HEATR1: variants seen among roughly 807,000 people sequenced by gnomAD.
HEATR1 encodes the protein HEAT repeat containing 1, also known as HEAT repeat-containing protein 1.
HEATR1 carries 77 observed loss-of-function variants against 248.2 expected under a neutral mutation model. That is an observed-to-expected ratio of 0.31 (90% confidence interval 0.26 to 0.37). HEATR1 has a LOEUF of 0.37. Ranked by LOEUF, HEATR1 falls within the 10% of genes least tolerant of loss-of-function variation. The probability of loss-of-function intolerance (pLI) is 1.00; values close to 1 mark genes in which losing one functional copy is unlikely to be tolerated. For synonymous variants in HEATR1, 897 were observed against 923.1 expected, an observed-to-expected ratio of 0.97 and a Z score of 0.51; for missense variants, 2,420 against 2,504.9, an observed-to-expected ratio of 0.97 and a Z score of 0.72.
chr1:236,568,838 T>C (rs556606172), intron 29 of HEATR1, among the ~76,000 whole-genome samples, 158 bp downstream of exon 29: 170 of 147,994 alleles, frequency 1.1e-3, no homozygotes, highest in Non-Finnish European at 2.1e-3. Context: ...TTAAGGGCAA[T>C]GTACTTCAGC....
At position 236,555,639 on chromosome 1, in the gene HEATR1, A is replaced by G; in HGVS notation, c.5666T>C (p.Val1889Ala). The G allele has an allele frequency of 6.2e-7, 1 of 1,614,214 alleles. No homozygotes were observed. Among genetic ancestry groups the G allele is most frequent in the Non-Finnish European group, 8.5e-7 (1 of 1,180,028 alleles). ...AATGATACAATTTTCCGTTTTTCCA[A>G]CTTCCTCCAGATCGTTCTGAAAACA... ...AQHSENDLEE[V>A]GKTENCIIDC... Residue 1889 changes from valine to alanine, a missense_variant, in exon 40 of 45, where the codon GTT (valine) becomes GCT (alanine). Physicochemically the swap from Val to Ala is moderately conservative, Grantham distance 64 (BLOSUM62 0). Coordinates refer to ENST00000366582, the MANE Select transcript of HEATR1 (RefSeq NM_018072.6).
chr1:236,602,922 C>T, intron 3 of HEATR1: 1 of 422,072 alleles, frequency 2.4e-6, no homozygotes, highest in Non-Finnish European at 4.3e-6. Context: ...GACTCTATCT[C>T]AAAAAAAAAC....
intron 12 of HEATR1, among the ~76,000 whole-genome samples, chr1:236,589,765 G>A (rs773717872): frequency 7.2e-5 from 11 of 152,018 alleles, no homozygotes; most frequent in Non-Finnish European, 1.3e-4. Flanking sequence ...TGCAAATCAC[G>A]GTGCATAATT....
Position 236,564,592 on chromosome 1 carries a change from A to G in HEATR1, c.4505T>C (p.Val1502Ala), listed in dbSNP as rs1415821952. 1.9e-6 allele frequency: 3 copies of G among 1,613,938 alleles called. No homozygotes were observed. Among genetic ancestry groups the G allele is most frequent in the Non-Finnish European group, 1.7e-6 (2 of 1,179,976 alleles). ...CAGTTGCTTGCTAGTGTGAGTCTCT[A>G]CATTAAAAACCTGTAGCATTTCTTC... ...SQEEMLQVFN[V>A]ETHTSKQLRH... The change falls in exon 32 of 45, where the codon GTA becomes GCA. Residue 1502 changes from valine to alanine, a missense_variant. By Grantham distance (64) the Val-to-Ala change is moderately conservative (BLOSUM62 0). Transcript: ENST00000366582.
At position 236,585,191 on chromosome 1, in the gene HEATR1, T is replaced by C. The variant is rs956931200; in HGVS notation, c.2075A>G (p.Glu692Gly). 5 of 1,611,902 alleles carry C rather than the reference T, an allele frequency of 3.1e-6. No individual in the cohort carries two copies. Among genetic ancestry groups the C allele is most frequent in the Non-Finnish European group, 4.2e-6 (5 of 1,179,358 alleles). ...KMVEDLISVG[E>G]EESFNLKQKV... is the part of the protein sequence containing the mutation. ...CTGCTTCAGGTTAAAGGACTCCTCC[T>C]CACCCACGCTTATTAAATCCTCCAC... The change falls in exon 17 of 45, where the codon GAG (glutamate) becomes GGG (glycine). Residue 692 changes from glutamate to glycine, a missense_variant. Glu to Gly is a moderately conservative substitution (Grantham distance 98). Transcript: ENST00000366582.
intron 33 of HEATR1, 134 bp from the exon 34 acceptor site, chr1:236,559,971 C>G: frequency 1.1e-6 from 1 of 937,546 alleles, no homozygotes; most frequent in Non-Finnish European, 1.5e-6. Flanking sequence ...TCAAAAACTA[C>G]TCGGAAAGAA....
At chr1:236,556,293 G>A (rs1034122915) in intron 37 of HEATR1, 35 bp from the exon 38 acceptor site, 3 of 1,605,264 alleles carry the variant, frequency 1.9e-6, no homozygotes, top group Admixed American at 1.7e-5. Context: ...CAGGGCCACT[G>A]CAGATCTTCG....
intron 33 of HEATR1, among the ~76,000 whole-genome samples, chr1:236,560,219 C>G (rs1663092198): frequency 6.6e-6 from 1 of 151,830 alleles, no homozygotes; most frequent in Non-Finnish European, 1.5e-5. Context: ...CGCGCACACA[C>G]ACACAGGCAC....
chr1:236,563,191 TA>T (rs1389297324), intron 32 of HEATR1, among the ~76,000 whole-genome samples: 2 of 152,240 alleles, frequency 1.3e-5, no homozygotes, highest in Admixed American at 1.3e-4. Context: ...AGGTATGATA[TA>T]AACCACAAGC....
At chr1:236,559,546 A>G (rs984287841) in intron 34 of HEATR1, among the ~76,000 whole-genome samples, 168 bp downstream of exon 34, 11 of 152,230 alleles carry the variant, frequency 7.2e-5, no homozygotes, top group Non-Finnish European at 1.3e-4. Context: ...AATTTTTTCC[A>G]GACAAATCTA....
Position 236,555,801 on chromosome 1 carries a change from T to C in HEATR1, c.5649+4A>G, listed in dbSNP as rs1406248514. ...AGGATTTGGAGGAGTGAACCTGAGC[T>C]TACCTCAGAGTGCTGGGCTCGGAAG... On this transcript the variant is annotated splice_donor_region_variant and intron_variant, in intron 39 of 44. Transcript: ENST00000366582. 1.3e-5 allele frequency: 21 copies of C among 1,614,158 alleles called. No individual in the cohort carries two copies. The highest frequency in any genetic ancestry group is 7.7e-5 in the South Asian group (7 of 91,078).
chr1:236,565,642 T>C (rs1663249556), intron 31 of HEATR1, among the ~76,000 whole-genome samples: 1 of 152,208 alleles, frequency 6.6e-6, no homozygotes, highest in Non-Finnish European at 1.5e-5. Flanking sequence ...GTCCTGATCA[T>C]TTACTGTCAT....
chr1:236,571,406 G>A lies in HEATR1; in HGVS notation c.3893C>T (p.Pro1298Leu), dbSNP rs749994487. The A allele has an allele frequency of 1.2e-5, 20 of 1,613,104 alleles. No individual in the cohort carries two copies. The highest frequency in any genetic ancestry group is 1.6e-4 in the Middle Eastern group (1 of 6,084). The change falls in exon 28 of 45, where the codon CCG becomes CTG. Residue 1298 changes from proline (P) to leucine (L), a missense_variant. Pro to Leu is a moderately conservative substitution (Grantham distance 98). Coordinates refer to ENST00000366582, the MANE Select transcript of HEATR1 (RefSeq NM_018072.6). ...TAAAAGGGCATGGTGATGGGTCTGC[G>A]GCATCTCCGAAAGGCGGATGCACTG... ...IVQCIRLSEM[P>L]QTHHHALLLL... is the part of the protein sequence containing the mutation.
intron 22 of HEATR1, 61 bp downstream of exon 22, chr1:236,576,158 C>CAGTT: frequency 7.8e-7 from 1 of 1,276,768 alleles, no homozygotes; most frequent in Non-Finnish European, 1.1e-6. Context: ...CACCCACAAG[C>CAGTT]AGTTACAACA....
chr1:236,604,124 CG>C lies in HEATR1; in HGVS notation c.-30del, dbSNP rs1558195401. ...TCACGCCAGCGGAGTTTTAATGACA[CG>C]GGCTAAAAAAACGTAAGCACTTTGA... On this transcript the variant is annotated splice_region_variant and 5_prime_UTR_variant, in exon 2 of 45. Transcript: ENST00000366582. 6.5e-7 allele frequency: 1 copy of C among 1,538,092 alleles called. No homozygotes were observed. The highest frequency in any genetic ancestry group is 1.2e-5 in the South Asian group (1 of 80,296).
At chr1:236,574,532 T>C (rs1251081821) in intron 23 of HEATR1, 129 bp downstream of exon 23, 19 of 1,275,440 alleles carry the variant, frequency 1.5e-5, no homozygotes, top group Non-Finnish European at 2.0e-5. Context: ...CTTTAAAACG[T>C]CTAGTCCACC....
At chr1:236,574,629 C>T (rs751983243) in intron 23 of HEATR1, 32 bp downstream of exon 23, 21 of 1,597,602 alleles carry the variant, frequency 1.3e-5, no homozygotes, top group African/African-American at 2.7e-5. Context: ...CTTGAACATG[C>T]TATGCCTTAG....
chr1:236,588,013 C>T lies in HEATR1; in HGVS notation c.1561G>A (p.Ala521Thr), dbSNP rs1408711550. ...TCATCACCTAATCGGGCTAAAACAGCTTCTTTTATGAAAGATTCATCAACA... is the reference window on the plus strand; with the variant it reads ...TCATCACCTAATCGGGCTAAAACAGTTTCTTTTATGAAAGATTCATCAACA... ...EGVDESFIKE[A>T]VLARLGDDNI... Residue 521 changes from alanine to threonine, a missense_variant, in exon 13 of 45, where the codon GCT (alanine) becomes ACT (threonine). Physicochemically the swap from Ala to Thr is moderately conservative, Grantham distance 58. Coordinates refer to ENST00000366582, the MANE Select transcript of HEATR1 (RefSeq NM_018072.6). 3.7e-6 allele frequency: 6 copies of T among 1,612,226 alleles called. No individual in the cohort carries two copies. The highest frequency in any genetic ancestry group is 5.1e-6 in the Non-Finnish European group (6 of 1,179,070).
intron 23 of HEATR1, 24 bp downstream of exon 23, chr1:236,574,637 T>C (rs778517016): frequency 1.9e-6 from 3 of 1,604,610 alleles, no homozygotes; most frequent in East Asian, 2.2e-5. Flanking sequence ...TGCTATGCCT[T>C]AGTTTCTGAA....
Sources: allele counts gnomAD v4.1 joint callset (sites outside exome capture counted in the v4.1 genomes callset), GRCh38; gene constraint gnomAD v4.1.1; transcripts MANE v1.5; gene names NCBI Gene and HGNC (gene_info 2026-07-23, HGNC 2026-07-21).